Variants in GRID2 observed in about 807,000 individuals in gnomAD.
GRID2 encodes the protein glutamate ionotropic receptor delta type subunit 2, also known as glutamate receptor ionotropic, delta-2.
Under a neutral mutation model 114.8 loss-of-function variants are expected in GRID2, and 33 were observed. The observed-to-expected ratio is 0.29, with a 90% CI of 0.22 to 0.38. The LOEUF is 0.38. GRID2 is among the 10% of genes least tolerant of loss of function. The pLI is 1.00. For missense variants in GRID2, 1,184 were observed against 1,257.7 expected (o/e 0.94, Z 0.89); for synonymous variants, 505 against 449.9 (o/e 1.12, Z -1.55).
intron 13 of GRID2, among the ~76,000 whole-genome samples, chr4:93,539,022 G>A (rs1732390712): frequency 6.6e-6 from 1 of 151,856 alleles, no homozygotes; most frequent in Non-Finnish European, 1.5e-5. Context: ...GGGTTAAGGA[G>A]TATAAGAGAA....
chr4:92,695,113 C>T (rs1275714609), intron 2 of GRID2, among the ~76,000 whole-genome samples: 2 of 151,884 alleles, frequency 1.3e-5, no homozygotes, highest in Non-Finnish European at 2.9e-5. Context: ...AATACAGGTG[C>T]ACACTACCAC....
In GRID2 at chr4:93,150,619, C is replaced by T. The variant is rs867915912; in HGVS notation, c.735+39666C>T. Among the ~76,000 whole-genome samples the T allele has an allele frequency of 1.2e-4, 18 of 152,146 alleles. No homozygotes were observed. In the Middle Eastern group the frequency reaches 0.01, roughly 86 times the overall value. On this transcript the variant is annotated intron_variant, in intron 4 of 15. Coordinates refer to ENST00000282020, the MANE Select transcript of GRID2 (RefSeq NM_001510.4). ...AGAGAGCCTGTTCTGGCCAGCTCTG[C>T]ATGTAAAGACCACAGAGATGCAGCT...
At chr4:93,789,145 C>G (rs1188266782) in intron 1 of GRID2, among the ~76,000 whole-genome samples, 1 of 152,080 alleles carries the variant, frequency 6.6e-6, no homozygotes, top group Non-Finnish European at 1.5e-5. Context: ...AATACAAAAG[C>G]TTAGATAAAT....
chr4:92,571,864 T>C (rs2149193123), intron 1 of GRID2, among the ~76,000 whole-genome samples: 1 of 152,202 alleles, frequency 6.6e-6, no homozygotes, highest in Middle Eastern at 3.4e-3. Context: ...TACCAGAATC[T>C]CTGGGACACA....
intron 10 of GRID2, among the ~76,000 whole-genome samples, chr4:93,441,556 A>G (rs1185780633): frequency 6.6e-6 from 1 of 152,030 alleles, no homozygotes; most frequent in African/African-American, 2.4e-5. Context: ...AGAAATGGAA[A>G]CATCCTTTAG....
chr4:93,494,582 A>C (rs1212038405), intron 12 of GRID2, among the ~76,000 whole-genome samples: 1 of 151,832 alleles, frequency 6.6e-6, no homozygotes, highest in Admixed American at 6.6e-5. Flanking sequence ...TCCCTGGAAA[A>C]GATAACCCAT....
chr4:92,602,509 CAT>C, intron 2 of GRID2, among the ~76,000 whole-genome samples: 1 of 152,270 alleles, frequency 6.6e-6, no homozygotes, highest in Non-Finnish European at 1.5e-5. Context: ...AACATCCCTT[CAT>C]GTTAAAAACT....
At chr4:93,238,019 T>G (rs767129653) in intron 7 of GRID2, among the ~76,000 whole-genome samples, 5 of 151,836 alleles carry the variant, frequency 3.3e-5, no homozygotes, top group Non-Finnish European at 5.9e-5. Flanking sequence ...CAGAAGCATC[T>G]TGTTTTCAAG....
chr4:93,286,687 GT>G (rs1241467624), intron 8 of GRID2, among the ~76,000 whole-genome samples: 114 of 144,872 alleles, frequency 7.9e-4, no homozygotes, highest in African/African-American at 1.4e-3. Flanking sequence ...ATGTGTGTGT[GT>G]GTGGGGGTGT....
At chr4:93,456,003 TA>T (rs764241901) in intron 11 of GRID2, 29 bp downstream of exon 11, 140 of 1,285,044 alleles carry the variant, frequency 1.1e-4, no homozygotes, top group Non-Finnish European at 1.4e-4. Flanking sequence ...TTCTAGTATT[TA>T]AAAAAAATAG....
At chr4:92,681,118 T>C (rs891174965) in intron 2 of GRID2, among the ~76,000 whole-genome samples, 18 of 152,278 alleles carry the variant, frequency 1.2e-4, no homozygotes, top group African/African-American at 3.8e-4. Flanking sequence ...GGATTATTGA[T>C]ACTGTACATT....
At chr4:93,252,329 A>ATTTTTTTTTTTTTTTTT (rs56056248) in intron 8 of GRID2, among the ~76,000 whole-genome samples, 1 of 119,760 alleles carries the variant, frequency 8.4e-6, no homozygotes. Flanking sequence ...GGAATCCTTC[A>ATTTTTTTTTTTTTTTTT]TTTTTTTTTT....
Position 93,407,812 on chromosome 4 carries a change from TCCTCCTCCTCCTTCTC to T in GRID2, c.1347+12106_1347+12121del, listed in dbSNP as rs1560588790. ...GTCCTCCTCCTCGTCCTCCTCCTCTTCCTCCTCCTCCTTCTCCTCCTCCTCCTCCTCCTCCACCTCC... is the reference window on the plus strand; with the variant it reads ...GTCCTCCTCCTCGTCCTCCTCCTCTTCTCCTCCTCCTCCTCCTCCACCTCC... On this transcript the variant is annotated intron_variant, in intron 9 of 15. Transcript: ENST00000282020. Among the ~76,000 whole-genome samples the T allele has an allele frequency of 1.8e-3, 231 of 128,212 alleles. 1 individual carries two copies. The highest frequency in any genetic ancestry group is 8.0e-3 in the African/African-American group (217 of 27,278). The allele number at this position is 128,212 out of a possible 152,430, so 84.1% of individuals were successfully genotyped here.
intron 2 of GRID2, among the ~76,000 whole-genome samples, chr4:92,780,172 CAAATAGTGGATA>C (rs1443965245): frequency 1.3e-5 from 2 of 152,064 alleles, no homozygotes; most frequent in African/African-American, 4.8e-5. Context: ...AATAATAGAG[CAAATAGTGGATA>C]AAGTCATCAG....
At chr4:92,840,629 T>C (rs985965011) in intron 2 of GRID2, among the ~76,000 whole-genome samples, 70 of 152,066 alleles carry the variant, frequency 4.6e-4, no homozygotes, top group African/African-American at 1.5e-3. Context: ...TAATCTTGTT[T>C]CTTGGGGCAT....
intron 1 of GRID2, among the ~76,000 whole-genome samples, chr4:92,478,566 G>C (rs534890825): frequency 6.6e-6 from 1 of 152,178 alleles, no homozygotes; most frequent in African/African-American, 2.4e-5. Flanking sequence ...CAGATGATTA[G>C]ATTTTGCACA....
intron 10 of GRID2, among the ~76,000 whole-genome samples, chr4:93,453,401 T>C (rs2149408495): frequency 6.6e-6 from 1 of 151,506 alleles, no homozygotes; most frequent in East Asian, 2.0e-4. Flanking sequence ...ATGATTCTGA[T>C]ATGCCTCCCA....
chr4:92,485,338 ATATATATATAGTGTGTGT>A (rs1478172471), intron 1 of GRID2, among the ~76,000 whole-genome samples: 1 of 91,032 alleles, frequency 1.1e-5, no homozygotes, highest in Non-Finnish European at 2.3e-5. Context: ...ATATATATAT[ATATATATATAGTGTGTGT>A]GTGTGTGTGT....
chr4:92,894,025 A>G (rs766702313), intron 2 of GRID2, among the ~76,000 whole-genome samples: 2 of 140,138 alleles, frequency 1.4e-5, no homozygotes, highest in Non-Finnish European at 3.1e-5. Context: ...GGTACTAAGA[A>G]AATAAATAAC....
Sources: gnomAD v4.1 joint callset for allele counts (sites outside exome capture counted in the v4.1 genomes callset) on GRCh38, gnomAD v4.1.1 for gene constraint, MANE v1.5 for transcripts, NCBI Gene and HGNC (gene_info 2026-07-23, HGNC 2026-07-21) for gene names.